Variants in PIGN observed in about 807,000 individuals in gnomAD.
The protein encoded by PIGN is phosphatidylinositol glycan anchor biosynthesis class N.
PIGN carries 117 observed loss-of-function variants against 125.4 expected under a neutral mutation model. That is an observed-to-expected ratio of 0.93 (90% confidence interval 0.80 to 1.09). PIGN has a LOEUF of 1.09. PIGN is among the 50% of genes least tolerant of loss of function. PIGN has a pLI of 0.00. For missense variants in PIGN, 1,075 were observed against 1,094.9 expected (o/e 0.98, Z 0.26); for synonymous variants, 392 against 377.8 (o/e 1.04, Z -0.44).
chr18:62,145,015 G>C (rs533974989), intron 10 of PIGN, among the ~76,000 whole-genome samples: 129 of 151,210 alleles, frequency 8.5e-4, no homozygotes, highest in Admixed American at 1.5e-3. Context: ...TGGCGGGGGG[G>C]GGGGGGCAGG....
At chr18:62,141,515 C>A (rs1247266394) in intron 11 of PIGN, among the ~76,000 whole-genome samples, 1 of 152,218 alleles carries the variant, frequency 6.6e-6, no homozygotes, top group African/African-American at 2.4e-5. Flanking sequence ...TGGAATTCAT[C>A]AAGTTTGTTC....
chr18:62,056,576 G>A lies in PIGN; in HGVS notation c.2673-10597C>T, dbSNP rs546089528. 13 of 151,798 alleles carry A rather than the reference G, an allele frequency of 8.6e-5. No individual in the cohort carries two copies. In the East Asian group the frequency reaches 2.1e-3, roughly 25 times the overall value. 9.4% of individuals were successfully genotyped at this position (151,798 alleles called of 1,614,324 possible). On this transcript the variant is annotated intron_variant, in intron 30 of 30. Transcript: ENST00000640252. The stretch of plus-strand genomic sequence containing the variant: ...CAAGAGAAGTGCCTCTTCTCACCCC[G>A]AACTTTCTAACCCACTCATATCTGT...
At chr18:62,073,502 A>C (rs2033006757) in intron 29 of PIGN, among the ~76,000 whole-genome samples, 1 of 152,222 alleles carries the variant, frequency 6.6e-6, no homozygotes, top group Non-Finnish European at 1.5e-5. Context: ...AGCAGAAGTT[A>C]TATCACAAAT....
intron 23 of PIGN, among the ~76,000 whole-genome samples, chr18:62,029,276 CCT>C (rs916814520): frequency 1.4e-4 from 22 of 152,254 alleles, no homozygotes; most frequent in African/African-American, 4.6e-4. Context: ...GGATCTTCCC[CCT>C]CTCTCTTCTT....
At chr18:62,151,308 G>T (rs954518875) in intron 7 of PIGN, among the ~76,000 whole-genome samples, 6 of 152,196 alleles carry the variant, frequency 3.9e-5, no homozygotes, top group African/African-American at 1.4e-4. Flanking sequence ...TGGTAGATTG[G>T]CAGCTGGCAC....
chr18:62,020,938 G>A (rs1347317540), intron 23 of PIGN, among the ~76,000 whole-genome samples: 4 of 149,240 alleles, frequency 2.7e-5, no homozygotes, highest in African/African-American at 2.5e-5. Context: ...ACTAGCCTGG[G>A]CGACTGAGCG....
intron 14 of PIGN, among the ~76,000 whole-genome samples, chr18:62,132,501 C>A (rs2035774477): frequency 6.6e-6 from 1 of 151,898 alleles, no homozygotes; most frequent in Non-Finnish European, 1.5e-5. Flanking sequence ...AGTATTCCAC[C>A]TGGTTCTGGT....
At chr18:62,033,621 TG>T (rs1217745915) in intron 23 of PIGN, among the ~76,000 whole-genome samples, 9 of 152,242 alleles carry the variant, frequency 5.9e-5, no homozygotes, top group Non-Finnish European at 1.3e-4. Context: ...TATGCTTATT[TG>T]AACTCTTCCC....
At chr18:62,159,463 T>C (rs2036861210) in intron 4 of PIGN, among the ~76,000 whole-genome samples, 1 of 152,220 alleles carries the variant, frequency 6.6e-6, no homozygotes, top group East Asian at 1.9e-4. Flanking sequence ...TGAAATGAAG[T>C]ATATTTCTCT....
At chr18:62,117,751 T>G (rs2035142551) in intron 14 of PIGN, among the ~76,000 whole-genome samples, 1 of 152,142 alleles carries the variant, frequency 6.6e-6, no homozygotes, top group African/African-American at 2.4e-5. Context: ...TTCTATTCTG[T>G]CAATTCTTGT....
intron 1 of PIGN, among the ~76,000 whole-genome samples, chr18:62,184,321 T>C (rs763330412): frequency 6.6e-6 from 1 of 152,210 alleles, no homozygotes; most frequent in Non-Finnish European, 1.5e-5. Context: ...TTAATAACTA[T>C]CATTAGTCAG....
At position 62,115,997 on chromosome 18, in the gene PIGN, T is replaced by G. The variant is rs188618197; in HGVS notation, c.1173-1358A>C. On this transcript the variant is annotated intron_variant, in intron 14 of 30. Coordinates refer to ENST00000640252, the MANE Select transcript of PIGN (RefSeq NM_176787.5). ...GCCTACTCTAAGAGCTCCCAGATAT[T>G]CCAACTCAGGGGAACCCAACCACAC... Among the ~76,000 whole-genome samples the G allele has an allele frequency of 3.9e-5, 6 of 152,276 alleles. No individual in the cohort carries two copies. The East Asian group carries it at 1.2e-3, about 29-fold the overall frequency.
chr18:62,119,992 T>C (rs1032897100), intron 14 of PIGN, among the ~76,000 whole-genome samples: 1 of 152,072 alleles, frequency 6.6e-6, no homozygotes, highest in African/African-American at 2.4e-5. Context: ...ATGAATGTAA[T>C]TGGAATACCA....
chr18:62,051,408 C>T (rs1369828235), intron 30 of PIGN, among the ~76,000 whole-genome samples: 1 of 152,102 alleles, frequency 6.6e-6, no homozygotes, highest in African/African-American at 2.4e-5. Context: ...AGAGATTCAA[C>T]TTCTTCCTGG....
chr18:62,059,716 T>C (rs2031999962), intron 30 of PIGN, among the ~76,000 whole-genome samples: 1 of 152,180 alleles, frequency 6.6e-6, no homozygotes, highest in African/African-American at 2.4e-5. Context: ...AAAAAATAGA[T>C]TGTGATGGTT....
At chr18:62,058,514 G>A (rs2031896333) in intron 30 of PIGN, among the ~76,000 whole-genome samples, 1 of 152,136 alleles carries the variant, frequency 6.6e-6, no homozygotes, top group Admixed American at 6.5e-5. Flanking sequence ...CTGCTCATGA[G>A]ACTAACTTTC....
At chr18:62,068,028 A>T (rs570227594) in intron 30 of PIGN, among the ~76,000 whole-genome samples, 1 of 152,342 alleles carries the variant, frequency 6.6e-6, no homozygotes, top group Non-Finnish European at 1.5e-5. Flanking sequence ...GAGGCTACAC[A>T]TGCTAGAATG....
intron 11 of PIGN, among the ~76,000 whole-genome samples, chr18:62,141,704 C>CA (rs955848818): frequency 1.3e-5 from 2 of 152,126 alleles, no homozygotes; most frequent in African/African-American, 4.8e-5. Flanking sequence ...CTTTCACACA[C>CA]AAAAAACCAC....
chr18:62,100,458 T>C (rs1415078862), intron 22 of PIGN, among the ~76,000 whole-genome samples: 2 of 152,180 alleles, frequency 1.3e-5, no homozygotes, highest in Admixed American at 6.5e-5. Context: ...TTAAAGCATA[T>C]GTCAAATTAT....
Sources: gnomAD v4.1 joint callset for allele counts (sites outside exome capture counted in the v4.1 genomes callset) on GRCh38, gnomAD v4.1.1 for gene constraint, MANE v1.5 for transcripts, NCBI Gene and HGNC (gene_info 2026-07-23, HGNC 2026-07-21) for gene names.